NR5A2: variants seen among roughly 807,000 people sequenced by gnomAD.
NR5A2 encodes the protein CYP7A promoter-binding factor.
Under a neutral mutation model 62.7 loss-of-function variants are expected in NR5A2, and 26 were observed. That is an observed-to-expected ratio of 0.41 (90% CI 0.30 to 0.58). The LOEUF (loss-of-function observed/expected upper bound fraction) is 0.58, where lower values mean the gene tolerates loss of function less well. Among genes scored for constraint, NR5A2 ranks in the 20% least tolerant of loss-of-function variants. The pLI is 0.22. For synonymous variants in NR5A2, 246 were observed against 241.7 expected (o/e 1.02, Z -0.16); for missense variants, 541 against 669.1 (o/e 0.81, Z 2.11).
chr1:200,079,768 T>C (rs1393122937), intron 5 of NR5A2, among the ~76,000 whole-genome samples: 1 of 152,216 alleles, frequency 6.6e-6, no homozygotes, highest in Non-Finnish European at 1.5e-5. Flanking sequence ...TTGGATTTTT[T>C]TGCTGCTATT....
At position 200,048,326 on chromosome 1, in the gene NR5A2, C is replaced by T; in HGVS notation, c.618C>T (p.Asp206=). The T allele has an allele frequency of 1.2e-6, 2 of 1,614,192 alleles. No individual in the cohort carries two copies. Among genetic ancestry groups the T allele is most frequent in the Non-Finnish European group, 1.7e-6 (2 of 1,180,042 alleles). ...MSQVIQAMPS[D]LTISSAIQNI... ...AGGTGATCCAAGCTATGCCCTCTGA[C>T]CTGACCATTTCCTCTGCAATTCAAA... Residue 206 remains aspartate, a synonymous_variant, in exon 5 of 8, where the codon GAC becomes GAT. Transcript: ENST00000367362. This position sits in a 1 kb window ranked among gnomAD's most constrained non-coding sequence, Gnocchi z 4.8.
intron 7 of NR5A2, among the ~76,000 whole-genome samples, chr1:200,149,566 G>A (rs1477142058): frequency 2.0e-5 from 3 of 152,140 alleles, no homozygotes; most frequent in African/African-American, 7.2e-5. Flanking sequence ...CCCTCAACAC[G>A]CAGCAAATTG....
At chr1:200,089,188 T>G (rs1664693264) in intron 5 of NR5A2, among the ~76,000 whole-genome samples, 1 of 152,206 alleles carries the variant, frequency 6.6e-6, no homozygotes, top group African/African-American at 2.4e-5. Context: ...CCTCATTTAG[T>G]TCTGCAACTT....
At chr1:200,074,752 A>G (rs939579253) in intron 5 of NR5A2, among the ~76,000 whole-genome samples, 13 of 147,008 alleles carry the variant, frequency 8.8e-5, no homozygotes, top group East Asian at 4.0e-4. Context: ...AAAAAAAAAA[A>G]AAAACACGAG....
chr1:200,052,928 CCG>C (rs1662723993), intron 5 of NR5A2, among the ~76,000 whole-genome samples: 3 of 152,232 alleles, frequency 2.0e-5, no homozygotes, highest in Admixed American at 1.3e-4. Flanking sequence ...GCATGAGCCA[CCG>C]CACCCGGCCT....
chr1:200,084,694 G>T (rs530864497), intron 5 of NR5A2, among the ~76,000 whole-genome samples: 2 of 152,208 alleles, frequency 1.3e-5, no homozygotes, highest in East Asian at 3.9e-4. Flanking sequence ...GTTTTATCAT[G>T]CATTTTCATT....
chr1:200,106,268 A>G (rs1207662229), intron 5 of NR5A2, among the ~76,000 whole-genome samples: 7 of 152,122 alleles, frequency 4.6e-5, no homozygotes, highest in Non-Finnish European at 1.0e-4. Flanking sequence ...TATGTTGGCC[A>G]GGCTGGTCTC....
chr1:200,109,645 A>C (rs2816978), intron 5 of NR5A2, among the ~76,000 whole-genome samples: 1 of 152,016 alleles, frequency 6.6e-6, no homozygotes, highest in African/African-American at 2.4e-5. Flanking sequence ...ACAGCTATTC[A>C]GAGTCTTATG....
At chr1:200,162,884 T>C (rs1386241406) in intron 7 of NR5A2, among the ~76,000 whole-genome samples, 1 of 152,180 alleles carries the variant, frequency 6.6e-6, no homozygotes. Context: ...AGCTACATTT[T>C]AGACACTGAG....
chr1:200,071,311 T>TA (rs1663728034), intron 5 of NR5A2, among the ~76,000 whole-genome samples: 2 of 152,224 alleles, frequency 1.3e-5, no homozygotes, highest in Non-Finnish European at 2.9e-5. Context: ...GAAAAATAAC[T>TA]AACACATCAA....
At chr1:200,030,968 A>G (rs1314603680) in intron 1 of NR5A2, among the ~76,000 whole-genome samples, 2 of 152,156 alleles carry the variant, frequency 1.3e-5, no homozygotes, top group African/African-American at 4.8e-5. Flanking sequence ...CTGAAAGTAG[A>G]CGTTTCATCA....
At chr1:200,169,951 C>A (rs941263732) in intron 7 of NR5A2, among the ~76,000 whole-genome samples, 3 of 152,218 alleles carry the variant, frequency 2.0e-5, no homozygotes, top group African/African-American at 4.8e-5. Context: ...AAATTTTTAT[C>A]TCATATCCAT....
chr1:200,137,317 A>ATTTT (rs775106954), intron 7 of NR5A2, among the ~76,000 whole-genome samples: 1 of 131,148 alleles, frequency 7.6e-6, no homozygotes, highest in African/African-American at 2.9e-5. Flanking sequence ...CACCTGGCTA[A>ATTTT]TTTTTTTTTT....
intron 7 of NR5A2, among the ~76,000 whole-genome samples, chr1:200,133,077 G>A (rs916103010): frequency 1.1e-4 from 16 of 152,080 alleles, no homozygotes; most frequent in Admixed American, 9.2e-4. Context: ...GCACAGATAT[G>A]GATTTCTATA....
At chr1:200,123,469 G>C (rs989846698) in intron 7 of NR5A2, among the ~76,000 whole-genome samples, 1 of 152,190 alleles carries the variant, frequency 6.6e-6, no homozygotes, top group African/African-American at 2.4e-5. Flanking sequence ...CCTGGACATG[G>C]ACATGAAAGC....
intron 6 of NR5A2, among the ~76,000 whole-genome samples, chr1:200,118,538 T>A (rs1666345999): frequency 6.6e-6 from 1 of 152,182 alleles, no homozygotes; most frequent in Admixed American, 6.5e-5. Flanking sequence ...CCAAGGCTCT[T>A]CGTTTGTAAG....
At chr1:200,126,933 G>A (rs1322522574) in intron 7 of NR5A2, among the ~76,000 whole-genome samples, 1 of 152,138 alleles carries the variant, frequency 6.6e-6, no homozygotes, top group East Asian at 1.9e-4. Context: ...ATTTGAAGTT[G>A]TAACACTAAC....
intron 5 of NR5A2, among the ~76,000 whole-genome samples, chr1:200,065,520 T>G (rs527508282): frequency 6.6e-6 from 1 of 152,350 alleles, no homozygotes; most frequent in East Asian, 1.9e-4. Flanking sequence ...CAAATCATCC[T>G]TCCAGTATAT....
intron 7 of NR5A2, among the ~76,000 whole-genome samples, chr1:200,165,667 T>C (rs932602254): frequency 1.3e-5 from 2 of 152,212 alleles, no homozygotes; most frequent in Non-Finnish European, 2.9e-5. Context: ...TCCATGTCTT[T>C]TCATGGGCCA....
Sources: allele counts gnomAD v4.1 joint callset (sites outside exome capture counted in the v4.1 genomes callset), GRCh38; gene constraint gnomAD v4.1.1; non-coding constraint Gnocchi (gnomAD v3.1); transcripts MANE v1.5; gene names NCBI Gene and HGNC (gene_info 2026-07-23, HGNC 2026-07-21).